The following ADGRL3 variants were observed in gnomAD, a reference collection of about 807,000 sequenced individuals.
ADGRL3 encodes the protein calcium-independent alpha-latrotoxin receptor 3.
ADGRL3 carries 62 observed loss-of-function variants against 153.5 expected under a neutral mutation model. That is an observed-to-expected ratio of 0.40 (90% confidence interval 0.33 to 0.50). The LOEUF is 0.50. Among genes scored for constraint, ADGRL3 ranks in the 20% least tolerant of loss-of-function variants. ADGRL3 has a pLI of 0.47. For synonymous variants in ADGRL3, 710 were observed against 672.5 expected, an observed-to-expected ratio of 1.06 and a Z score of -0.86; for missense variants, 1,641 against 1,859.4, an observed-to-expected ratio of 0.88 and a Z score of 2.16.
At chr4:62,007,356 T>TTATA (rs71666906) in intron 21 of ADGRL3, among the ~76,000 whole-genome samples, 3,780 of 30,872 alleles carry the variant, frequency 0.12, 366 homozygotes, top group East Asian at 0.22. Flanking sequence ...GACAAAATGA[T>TTATA]TATATATATA....
At chr4:61,614,882 T>C (rs1267321572) in intron 5 of ADGRL3, among the ~76,000 whole-genome samples, 1 of 152,158 alleles carries the variant, frequency 6.6e-6, no homozygotes, top group Non-Finnish European at 1.5e-5. Context: ...TCTATGAGCA[T>C]AGAGACTTTG....
At position 61,855,770 on chromosome 4, in the gene ADGRL3, C is replaced by CT. The variant is rs1433057231; in HGVS notation, c.1481-36877dup. 2.1e-4 allele frequency among the ~76,000 whole-genome samples: 31 copies of CT among 150,620 alleles called. 1 individual carries two copies. In the East Asian group the frequency reaches 4.5e-3, roughly 22 times the overall value. On this transcript the variant is annotated intron_variant, in intron 9 of 26. Coordinates refer to ENST00000683033, the MANE Select transcript of ADGRL3 (RefSeq NM_001387552.1). ...AAATAGTGACAGATGTAATTTCTTT[C>CT]TTTTTTTTTCAGCCACTATTTATTG... is the stretch of plus-strand genomic sequence containing the variant.
At chr4:61,683,920 G>A (rs372278656) in intron 6 of ADGRL3, among the ~76,000 whole-genome samples, 18 of 152,116 alleles carry the variant, frequency 1.2e-4, no homozygotes, top group African/African-American at 1.7e-4. Flanking sequence ...GTAAGCCACC[G>A]TGCCCTGCTA....
At chr4:61,537,244 G>C (rs1278584060) in intron 4 of ADGRL3, among the ~76,000 whole-genome samples, 1 of 151,652 alleles carries the variant, frequency 6.6e-6, no homozygotes, top group East Asian at 1.9e-4. Context: ...TTTCTGCTGA[G>C]AAGTCAACTG....
intron 13 of ADGRL3, among the ~76,000 whole-genome samples, chr4:61,919,123 C>A (rs1352558108): frequency 6.6e-6 from 1 of 152,146 alleles, no homozygotes; most frequent in Non-Finnish European, 1.5e-5. Context: ...GCCTGTCAGG[C>A]TGGATGTCCT....
intron 1 of ADGRL3, among the ~76,000 whole-genome samples, chr4:61,334,771 T>A (rs964805262): frequency 1.3e-5 from 2 of 152,128 alleles, no homozygotes; most frequent in Non-Finnish European, 2.9e-5. Flanking sequence ...ATAAAGTACG[T>A]CTTTTTCAAA....
At position 61,856,988 on chromosome 4, in the gene ADGRL3, CTTTCTTTCTTTCTTTCTT is replaced by C. The variant is rs1561368184; in HGVS notation, c.1481-35666_1481-35649del. Among the ~76,000 whole-genome samples the C allele has an allele frequency of 2.0e-3, 239 of 118,404 alleles. 1 individual carries two copies. Among genetic ancestry groups the C allele is most frequent in the African/African-American group, 6.6e-3 (208 of 31,744 alleles). 77.7% of individuals were successfully genotyped at this position (118,404 alleles called of 152,430 possible). ...TCTTTCTTTCTTTCTTTCTTTCTTT[CTTTCTTTCTTTCTTTCTT>C]TCTTTCTTTCCTTCCTCCCTTCCTT... is the stretch of plus-strand genomic sequence containing the variant. On this transcript the variant is annotated intron_variant, in intron 9 of 26. Coordinates refer to ENST00000683033, the MANE Select transcript of ADGRL3 (RefSeq NM_001387552.1).
chr4:62,028,127 A>G (rs540827373), intron 21 of ADGRL3, among the ~76,000 whole-genome samples: 2 of 151,954 alleles, frequency 1.3e-5, no homozygotes, highest in South Asian at 4.1e-4. Context: ...TCTTATCACA[A>G]GCAAAAAATA....
At chr4:61,375,548 G>C (rs891989223) in intron 1 of ADGRL3, among the ~76,000 whole-genome samples, 2 of 151,994 alleles carry the variant, frequency 1.3e-5, no homozygotes, top group Non-Finnish European at 2.9e-5. Flanking sequence ...GTTAGATTTT[G>C]GTATGTTTAA....
At chr4:61,889,031 G>T (rs1411427942) in intron 9 of ADGRL3, among the ~76,000 whole-genome samples, 1 of 151,992 alleles carries the variant, frequency 6.6e-6, no homozygotes, top group Non-Finnish European at 1.5e-5. Flanking sequence ...CTCTTATTTT[G>T]TGATGCTTCT....
At chr4:61,434,066 TC>T (rs1363439379) in intron 2 of ADGRL3, among the ~76,000 whole-genome samples, 1 of 152,140 alleles carries the variant, frequency 6.6e-6, no homozygotes, top group East Asian at 1.9e-4. Flanking sequence ...TGATTCAGTC[TC>T]CTTCACTGGA....
chr4:61,214,963 A>G (rs1479928392), intron 1 of ADGRL3, among the ~76,000 whole-genome samples: 1 of 152,074 alleles, frequency 6.6e-6, no homozygotes, highest in Non-Finnish European at 1.5e-5. Flanking sequence ...ATAAAAATAG[A>G]TACATAATGT....
intron 1 of ADGRL3, among the ~76,000 whole-genome samples, chr4:61,331,640 G>T (rs557790539): frequency 6.6e-6 from 1 of 152,088 alleles, no homozygotes; most frequent in Admixed American, 6.5e-5. Context: ...AGGTGATTTT[G>T]CCATATAGAT....
intron 8 of ADGRL3, among the ~76,000 whole-genome samples, chr4:61,770,981 A>T (rs2152304968): frequency 6.6e-6 from 1 of 152,320 alleles, no homozygotes; most frequent in South Asian, 2.1e-4. Context: ...AAGGTCATCA[A>T]AGAGTGAGTG....
chr4:61,386,701 G>A (rs2096740671), intron 2 of ADGRL3, among the ~76,000 whole-genome samples: 1 of 152,042 alleles, frequency 6.6e-6, no homozygotes, highest in East Asian at 1.9e-4. Context: ...AAATAAAAAT[G>A]TATTACTTTA....
At chr4:61,557,900 G>A (rs2098774691) in intron 4 of ADGRL3, among the ~76,000 whole-genome samples, 2 of 151,322 alleles carry the variant, frequency 1.3e-5, no homozygotes, top group Admixed American at 1.3e-4. Context: ...TAGGTTGCCT[G>A]GATAAGTATA....
intron 25 of ADGRL3, among the ~76,000 whole-genome samples, chr4:62,045,530 A>G (rs983999974): frequency 2.0e-5 from 3 of 152,054 alleles, no homozygotes; most frequent in African/African-American, 7.2e-5. Context: ...AGGAAGAAAT[A>G]ATGTAATAAT....
chr4:61,432,002 A>G (rs550645904), intron 2 of ADGRL3, among the ~76,000 whole-genome samples: 55 of 152,304 alleles, frequency 3.6e-4, no homozygotes, highest in African/African-American at 1.2e-3. Flanking sequence ...CATTTGTAGT[A>G]TTTATATTAA....
At chr4:61,922,841 A>G (rs1218677273) in intron 13 of ADGRL3, among the ~76,000 whole-genome samples, 2 of 152,216 alleles carry the variant, frequency 1.3e-5, no homozygotes, top group East Asian at 3.8e-4. Context: ...GAAAATAGCC[A>G]GTAAATCAGT....
Sources: allele counts gnomAD v4.1 joint callset (sites outside exome capture counted in the v4.1 genomes callset), GRCh38; gene constraint gnomAD v4.1.1; transcripts MANE v1.5; gene names NCBI Gene and HGNC (gene_info 2026-07-23, HGNC 2026-07-21).